ZNF324: variants seen among roughly 807,000 people sequenced by gnomAD.
ZNF324 encodes the protein zinc finger protein 324A.
ZNF324 carries 3 observed loss-of-function variants against 10.3 expected under a neutral mutation model. That is an observed-to-expected ratio of 0.29 (90% CI 0.13 to 0.75). ZNF324 has a LOEUF of 0.75. Ranked by LOEUF, ZNF324 falls within the 30% of genes least tolerant of loss-of-function variation. ZNF324 has a pLI of 0.69. For synonymous variants in ZNF324, 430 were observed against 339.5 expected, an observed-to-expected ratio of 1.27 and a Z score of -2.93; for missense variants, 763 against 784.4, an observed-to-expected ratio of 0.97 and a Z score of 0.33.
rs749013727 is a variant in ZNF324 at position 58,470,964 on chromosome 19, G to A, written c.472G>A (p.Val158Ile). ...AGGCTCAGGCAGTGGGCAAGCCAGC[G>A]TCAGCCTGCGACTGACCTCCCCGCT... ...LLGSGSGQAS[V>I]SLRLTSPLRP... is the part of the protein sequence containing the mutation. Residue 158 changes from valine (V) to isoleucine (I), a missense_variant, in exon 4 of 4, where the codon GTC becomes ATC. Physicochemically the swap from Val to Ile is conservative, Grantham distance 29 (BLOSUM62 3). Coordinates refer to ENST00000196482, the MANE Select transcript of ZNF324 (RefSeq NM_014347.3). 1.5e-5 allele frequency: 25 copies of A among 1,614,222 alleles called. No homozygotes were observed. Among genetic ancestry groups the A allele is most frequent in the Middle Eastern group, 1.6e-4 (1 of 6,062 alleles).
At position 58,469,207 on chromosome 19, in the gene ZNF324, G is replaced by C. The variant is rs747454419; in HGVS notation, c.22G>C (p.Val8Leu). Residue 8 changes from valine to leucine, a missense_variant, in exon 2 of 4, where the codon GTG becomes CTG. Coordinates refer to ENST00000196482, the MANE Select transcript of ZNF324 (RefSeq NM_014347.3). MAFEDVA[V>L]YFSQEEWGLL... The stretch of plus-strand genomic sequence containing the variant: ...CCAGATGGCCTTTGAGGATGTGGCT[G>C]TGTACTTCTCCCAGGAGGAGTGGGG... 1.2e-6 allele frequency: 2 copies of C among 1,614,188 alleles called. No homozygotes were observed. The highest frequency in any genetic ancestry group is 1.7e-6 in the Non-Finnish European group (2 of 1,180,028).
chr19:58,467,547 C>G (rs559034734), intron 1 of ZNF324: 3 of 152,346 alleles, frequency 2.0e-5, no homozygotes, highest in Non-Finnish European at 4.4e-5. Context: ...TCACACAGAC[C>G]GCGCCCTCAC....
chr19:58,470,609 C>A, intron 3 of ZNF324, 122 bp from the exon 4 acceptor site: 2 of 1,259,116 alleles, frequency 1.6e-6, no homozygotes, highest in African/African-American at 1.4e-5. Flanking sequence ...GCCAGCCTCA[C>A]CTCTACTTTT....
chr19:58,469,046 A>C (rs1406921807), intron 1 of ZNF324, 134 bp from the exon 2 acceptor site: 16 of 1,007,496 alleles, frequency 1.6e-5, no homozygotes, highest in Admixed American at 2.5e-5. Flanking sequence ...TTTTTAGCTC[A>C]TCAGCTGTTA....
rs760090970 is a variant in ZNF324, at chr19:58,471,362, C to T, written c.870C>T (p.Cys290=). The T allele has an allele frequency of 2.2e-5, 35 of 1,613,900 alleles. No homozygotes were observed. Among genetic ancestry groups the T allele is most frequent in the Non-Finnish European group, 2.8e-5 (33 of 1,180,016 alleles). The change falls in exon 4 of 4, where the codon TGC becomes TGT. Residue 290 remains cysteine (C), a synonymous_variant. Transcript: ENST00000196482. ...TGERPYECAQ[C]GKAFSQTSHL... is the part of the protein sequence containing the mutation. ...AGCGGCCCTACGAGTGCGCCCAGTG[C>T]GGCAAGGCCTTCAGCCAGACGTCGC... is the stretch of plus-strand genomic sequence containing the variant.
At chr19:58,467,961 T>G (rs2052996880) in intron 1 of ZNF324, among the ~76,000 whole-genome samples, 1 of 151,548 alleles carries the variant, frequency 6.6e-6, no homozygotes, top group Non-Finnish European at 1.5e-5. Flanking sequence ...GGTGTCGGCA[T>G]GAAGGGAAGA....
intron 1 of ZNF324, 35 bp from the exon 2 acceptor site, chr19:58,469,145 A>C (rs1398384342): frequency 1.2e-6 from 2 of 1,613,780 alleles, no homozygotes; most frequent in African/African-American, 2.7e-5. Context: ...ACCCAGCCTT[A>C]GACCATGGCT....
chr19:58,471,363 G>A lies in ZNF324; in HGVS notation c.871G>A (p.Gly291Ser), dbSNP rs544442209. 1.9e-6 allele frequency: 3 copies of A among 1,614,006 alleles called. No homozygotes were observed. Among genetic ancestry groups the A allele is most frequent in the African/African-American group, 1.3e-5 (1 of 75,060 alleles). ...GCGGCCCTACGAGTGCGCCCAGTGC[G>A]GCAAGGCCTTCAGCCAGACGTCGCA... ...GERPYECAQC[G>S]KAFSQTSHLT... Residue 291 changes from glycine to serine, a missense_variant, in exon 4 of 4, where the codon GGC (glycine) becomes AGC (serine). Coordinates refer to ENST00000196482, the MANE Select transcript of ZNF324 (RefSeq NM_014347.3).
intron 1 of ZNF324, chr19:58,468,076 A>G (rs2052997626): frequency 2.3e-6 from 1 of 443,308 alleles, no homozygotes; most frequent in Admixed American, 6.4e-5. Context: ...TAAGTACCCC[A>G]TGTTGTTCAG....
chr19:58,469,771 T>G lies in ZNF324; in HGVS notation c.165T>G (p.Arg55=), dbSNP rs1369953405. The change falls in exon 3 of 4, where the codon CGT becomes CGG. Residue 55 remains arginine (R), a synonymous_variant. Coordinates refer to ENST00000196482, the MANE Select transcript of ZNF324 (RefSeq NM_014347.3). ...SRPRVVIQLE[R]GEEPWVPSGT... ...CTCGTGTGGTCATCCAACTGGAGCG[T>G]GGCGAGGAGCCCTGGGTTCCCAGTG... is the stretch of plus-strand genomic sequence containing the variant. 6.3e-7 allele frequency: 1 copy of G among 1,594,752 alleles called. No individual in the cohort carries two copies. Among genetic ancestry groups the G allele is most frequent in the Non-Finnish European group, 8.5e-7 (1 of 1,170,816 alleles).
In ZNF324 at chr19:58,469,855, G is replaced by A. The variant is rs751792196; in HGVS notation, c.238+11G>A. ...GGAGGCGCAACCCTGGTGAGAGGGAGCTCAGGGTGGGGTGAATTCAGGACC... is the reference window on the plus strand; with the variant it reads ...GGAGGCGCAACCCTGGTGAGAGGGAACTCAGGGTGGGGTGAATTCAGGACC... On this transcript the variant is annotated intron_variant, in intron 3 of 3. Coordinates refer to ENST00000196482, the MANE Select transcript of ZNF324 (RefSeq NM_014347.3). 2 of 1,589,272 alleles carry A rather than the reference G, an allele frequency of 1.3e-6. No individual in the cohort carries two copies. The highest frequency in any genetic ancestry group is 1.7e-6 in the Non-Finnish European group (2 of 1,166,938).
rs1168035864 is a variant in ZNF324 at position 58,475,230 on chromosome 19, G to A, written c.*3076G>A. The A allele has an allele frequency of 6.6e-6, 1 of 152,170 alleles. No individual in the cohort carries two copies. The highest frequency in any genetic ancestry group is 1.5e-5 in the Non-Finnish European group (1 of 68,032). 9.4% of individuals were successfully genotyped at this position (152,170 alleles called of 1,614,324 possible). Reference sequence around the variant, plus strand: ...CTCTTCATCCAGAGCAGGCAGCAGGGATTCCCAGGTATCCAAAGAAACCAA... The same window carrying A: ...CTCTTCATCCAGAGCAGGCAGCAGGAATTCCCAGGTATCCAAAGAAACCAA... On this transcript the variant is annotated 3_prime_UTR_variant, in exon 4 of 4. Transcript: ENST00000196482.
rs2053056608 is a variant in ZNF324, at chr19:58,473,514, C to G, written c.*1360C>G. 1 of 152,074 alleles carries G rather than the reference C, an allele frequency of 6.6e-6. No individual in the cohort carries two copies. The highest frequency in any genetic ancestry group is 6.6e-5 in the Admixed American group (1 of 15,260). The allele number at this position is 152,074 out of a possible 1,614,324, so 9.4% of individuals were successfully genotyped here. ...CAGAGCACAGCCTCTTGTCCCTACT[C>G]CAGAGCATGGTTCAGTCTTAATAGC... On this transcript the variant is annotated 3_prime_UTR_variant, in exon 4 of 4. Transcript: ENST00000196482.
At chr19:58,469,910 C>G in intron 3 of ZNF324, 66 bp downstream of exon 3, 1 of 1,282,664 alleles carries the variant, frequency 7.8e-7, no homozygotes, top group Non-Finnish European at 1.1e-6. Context: ...GTCCCTGGTT[C>G]CCAGACTCCC....
Position 58,468,822 on chromosome 19 carries a change from A to G in ZNF324, c.-6-358A>G, listed in dbSNP as rs571994838. Among the ~76,000 whole-genome samples, 17 of 152,230 alleles carry G rather than the reference A, an allele frequency of 1.1e-4. No homozygotes were observed. In the South Asian group the frequency reaches 3.3e-3, roughly 30 times the overall value. ...GTCCCAGACATGTGAGGGAAGTGCC[A>G]TCTGAAGATGGTGGGGGCAGAACCC... On this transcript the variant is annotated intron_variant, in intron 1 of 3. Transcript: ENST00000196482.
Position 58,473,282 on chromosome 19 carries a change from C to G in ZNF324, c.*1128C>G, listed in dbSNP as rs994037449. 5.2e-5 allele frequency: 8 copies of G among 152,646 alleles called. No homozygotes were observed. Among genetic ancestry groups the G allele is most frequent in the Non-Finnish European group, 7.3e-5 (5 of 68,120 alleles). 9.5% of individuals were successfully genotyped at this position (152,646 alleles called of 1,614,324 possible). On this transcript the variant is annotated 3_prime_UTR_variant, in exon 4 of 4. Transcript: ENST00000196482. Reference sequence around the variant, plus strand: ...CACCCTCCTGAGGACCTCCCCACCCCAGTGTAATGGCCCTTCATGGCAGGG... The same window carrying G: ...CACCCTCCTGAGGACCTCCCCACCCGAGTGTAATGGCCCTTCATGGCAGGG...
In ZNF324 at chr19:58,473,677, C is replaced by CA. The variant is rs2053057840; in HGVS notation, c.*1524dup. The CA allele has an allele frequency of 1.3e-5, 2 of 152,246 alleles. No individual in the cohort carries two copies. The highest frequency in any genetic ancestry group is 4.1e-4 in the South Asian group (2 of 4,832). 9.4% of individuals were successfully genotyped at this position (152,246 alleles called of 1,614,324 possible). On this transcript the variant is annotated 3_prime_UTR_variant, in exon 4 of 4. Transcript: ENST00000196482. ...ATGCCATCAGCGTTTGTCATCATCA[C>CA]AGAAGTTCCTGGACTTGGCTTCAAC...
rs1239582369 is a variant in ZNF324, at chr19:58,469,236, C to A, written c.51C>A (p.Leu17=). Residue 17 remains leucine, a synonymous_variant, in exon 2 of 4, where the codon CTC becomes CTA. Coordinates refer to ENST00000196482, the MANE Select transcript of ZNF324 (RefSeq NM_014347.3). ...ACTTCTCCCAGGAGGAGTGGGGGCT[C>A]CTGGACACAGCCCAGAGGGCCCTGT... ...AVYFSQEEWG[L]LDTAQRALYR... The A allele has an allele frequency of 5.6e-6, 9 of 1,614,174 alleles. No homozygotes were observed. Among genetic ancestry groups the A allele is most frequent in the Non-Finnish European group, 5.9e-6 (7 of 1,180,030 alleles).
chr19:58,468,251 G>A (rs982922109), intron 1 of ZNF324: 66 of 985,214 alleles, frequency 6.7e-5, no homozygotes, highest in Middle Eastern at 5.2e-4. Context: ...CCTATGAATT[G>A]GACTGAGGAA....
Sources: allele counts gnomAD v4.1 joint callset (sites outside exome capture counted in the v4.1 genomes callset), GRCh38; gene constraint gnomAD v4.1.1; transcripts MANE v1.5; gene names NCBI Gene and HGNC (gene_info 2026-07-23, HGNC 2026-07-21).